RPL13A: variants seen among roughly 807,000 people sequenced by gnomAD.
RPL13A encodes the protein large ribosomal subunit protein uL13.
A neutral mutation model predicts 30.8 loss-of-function variants in RPL13A; 4 were observed. The observed-to-expected ratio is 0.13, with a 90% CI of 0.06 to 0.30. RPL13A has a LOEUF of 0.30. Among genes scored for constraint, RPL13A ranks in the 10% least tolerant of loss-of-function variants. RPL13A has a pLI of 1.00. For missense variants in RPL13A, 196 were observed against 272.6 expected, an observed-to-expected ratio of 0.72 and a Z score of 1.98; for synonymous variants, 108 against 104.2, an observed-to-expected ratio of 1.04 and a Z score of -0.22.
chr19:49,491,325 C>G (rs2079866127), intron 6 of RPL13A, 100 bp from the exon 7 acceptor site: 3 of 1,234,050 alleles, frequency 2.4e-6, no homozygotes, highest in East Asian at 4.6e-5. Context: ...GCCCAGCTGT[C>G]AGTCACCTCC....
At chr19:49,491,391 T>G in intron 6 of RPL13A, 34 bp from the exon 7 acceptor site, 1 of 1,081,730 alleles carries the variant, frequency 9.2e-7, no homozygotes, top group South Asian at 1.3e-5. Context: ...TCCTTACAAC[T>G]TCATTTGTTC....
chr19:49,491,402 A>ACACC lies in RPL13A; in HGVS notation c.403-22_403-21insACCC, dbSNP rs2079867857. On this transcript the variant is annotated intron_variant, in intron 6 of 7. Transcript: ENST00000391857. ...GATATCCTTACAACTTCATTTGTTC[A>ACACC]CCCCCCCCCCCCCCCCCCGCAGTTT... The ACACC allele has an allele frequency of 2.1e-4, 51 of 237,288 alleles. 2 individuals are homozygous for ACACC. The African/African-American group carries it at 2.2e-3, about 10-fold the overall frequency. The allele number at this position is 237,288 out of a possible 1,614,324, so 14.7% of individuals were successfully genotyped here. A position where few individuals can be genotyped will look rare whatever the true frequency, so the allele number is the denominator to read the frequency against.
chr19:49,488,969 G>C (rs2079837105), intron 1 of RPL13A, among the ~76,000 whole-genome samples: 1 of 152,230 alleles, frequency 6.6e-6, no homozygotes, highest in Non-Finnish European at 1.5e-5. Context: ...GCCTCTCAAA[G>C]TGCTGGGATT....
chr19:49,488,435 A>G (rs1233678726), intron 1 of RPL13A, among the ~76,000 whole-genome samples: 3 of 152,252 alleles, frequency 2.0e-5, no homozygotes, highest in African/African-American at 4.8e-5. Flanking sequence ...AGCCAGGCCG[A>G]TCTAGGCAAG....
chr19:49,490,514 A>G lies in RPL13A; in HGVS notation c.194A>G (p.Asn65Ser), dbSNP rs775415596. 6.2e-7 allele frequency: 1 copy of G among 1,613,922 alleles called. No homozygotes were observed. The change falls in exon 4 of 8, where the codon AAC (asparagine) becomes AGC (serine). Residue 65 changes from asparagine (N) to serine (S), a missense_variant. Coordinates refer to ENST00000391857, the MANE Select transcript of RPL13A (RefSeq NM_012423.4). ...TTCCTCCGCAAGCGGATGAACACCA[A>G]CCCTTCCCGAGGCCCCTACCACTTC... Reference protein sequence around the residue: ...LAFLRKRMNTNPSRGPYHFRA... With the variant: ...LAFLRKRMNTSPSRGPYHFRA...
chr19:49,490,708 C>T, intron 4 of RPL13A, 71 bp from the exon 5 acceptor site: 1 of 1,583,388 alleles, frequency 6.3e-7, no homozygotes, highest in Non-Finnish European at 8.7e-7. Context: ...ACCCCATGGG[C>T]CCACCTCAGT....
In RPL13A at chr19:49,490,460, C is replaced by T. The variant is rs779409964; in HGVS notation, c.155-15C>T. The T allele has an allele frequency of 1.2e-6, 2 of 1,613,290 alleles. No individual in the cohort carries two copies. Among genetic ancestry groups the T allele is most frequent in the African/African-American group, 1.3e-5 (1 of 75,008 alleles). Reference sequence around the variant, plus strand: ...TGGTAGACTGGGCAGGCCTCACACTCTCCCCTCTCCCTAGTGAAGTACCTG... The same window carrying T: ...TGGTAGACTGGGCAGGCCTCACACTTTCCCCTCTCCCTAGTGAAGTACCTG... On this transcript the variant is annotated splice_polypyrimidine_tract_variant and intron_variant, in intron 3 of 7. Coordinates refer to ENST00000391857, the MANE Select transcript of RPL13A (RefSeq NM_012423.4).
rs1568688869 is a variant in RPL13A at position 49,491,428 on chromosome 19, G to A, written c.406G>A (p.Ala136Thr). 1 of 587,028 alleles carries A rather than the reference G, an allele frequency of 1.7e-6. No homozygotes were observed. The highest frequency in any genetic ancestry group is 2.5e-6 in the Non-Finnish European group (1 of 399,436). The allele number at this position is 587,028 out of a possible 1,614,324, so 36.4% of individuals were successfully genotyped here. ...VVRLKPTRKFAYLGRLAHEVG... is the reference protein window; with the variant it reads ...VVRLKPTRKFTYLGRLAHEVG... ...CCCCCCCCCCCCCCCCCCGCAGTTT[G>A]CCTATCTGGGGCGCCTGGCTCACGA... Residue 136 changes from alanine to threonine, a missense_variant, in exon 7 of 8, where the codon GCC (alanine) becomes ACC (threonine). Ala to Thr is a moderately conservative substitution (Grantham distance 58). Transcript: ENST00000391857.
At chr19:49,490,971 GCC>G in intron 5 of RPL13A, 67 bp from the exon 6 acceptor site, 1 of 1,606,752 alleles carries the variant, frequency 6.2e-7, no homozygotes, top group Non-Finnish European at 8.5e-7. Context: ...TGGCTGAGAC[GCC>G]AGTCCAGCCG....
At chr19:49,491,402 A>ACACCCCCCCCCCC (rs2079867857) in intron 6 of RPL13A, 23 bp from the exon 7 acceptor site, 2 of 237,306 alleles carry the variant, frequency 8.4e-6, no homozygotes, top group Admixed American at 1.1e-4. Context: ...TCATTTGTTC[A>ACACCCCCCCCCCC]CCCCCCCCCC....
intron 1 of RPL13A, among the ~76,000 whole-genome samples, chr19:49,489,155 T>C (rs2079839371): frequency 6.6e-6 from 1 of 152,214 alleles, no homozygotes; most frequent in Non-Finnish European, 1.5e-5. Context: ...AAATTAAATT[T>C]GTGGTAGAAA....
Position 49,491,736 on chromosome 19 carries a change from G to C in RPL13A, c.533G>C (p.Arg178Pro). Residue 178 changes from arginine to proline, a missense_variant, in exon 8 of 8, where the codon CGG becomes CCG. Coordinates refer to ENST00000391857, the MANE Select transcript of RPL13A (RefSeq NM_012423.4). Reference protein sequence around the residue: ...YRKKKQLMRLRKQAEKNVEKK... With the variant: ...YRKKKQLMRLPKQAEKNVEKK... ...TGCACTTATTCTTGGCAGAGGCTAC[G>C]GAAACAGGCCGAGAAGAACGTGGAG... 6.2e-7 allele frequency: 1 copy of C among 1,613,404 alleles called. No individual in the cohort carries two copies. Among genetic ancestry groups the C allele is most frequent in the Non-Finnish European group, 8.5e-7 (1 of 1,179,790 alleles).
chr19:49,487,688 A>T, intron 1 of RPL13A, 44 bp downstream of exon 1: 2 of 1,492,460 alleles, frequency 1.3e-6, no homozygotes, highest in Non-Finnish European at 1.8e-6. Context: ...GCCGGGTGGG[A>T]TCCAGGCCGG....
chr19:49,492,017 T>G lies in RPL13A; in HGVS notation c.*202T>G. On this transcript the variant is annotated 3_prime_UTR_variant, in exon 8 of 8. Transcript: ENST00000391857. ...CTCGGAGAATTGTGCAGGTGTCATT[T>G]ATCTATGACCAATAGGAAGAGCAAC... is the stretch of plus-strand genomic sequence containing the variant. 1.8e-6 allele frequency: 1 copy of G among 557,988 alleles called. No individual in the cohort carries two copies. Among genetic ancestry groups the G allele is most frequent in the East Asian group, 3.1e-5 (1 of 32,610 alleles). The allele number at this position is 557,988 out of a possible 1,614,324, so 34.6% of individuals were successfully genotyped here.
At chr19:49,487,978 C>A (rs1045689515) in intron 1 of RPL13A, among the ~76,000 whole-genome samples, 1 of 151,912 alleles carries the variant, frequency 6.6e-6, no homozygotes, top group South Asian at 2.1e-4. Flanking sequence ...CCTTGTGTGT[C>A]CTCAGCGATG....
At chr19:49,491,253 G>GC in intron 6 of RPL13A, 154 bp downstream of exon 6, 1 of 1,183,360 alleles carries the variant, frequency 8.5e-7, no homozygotes, top group Non-Finnish European at 1.3e-6. Flanking sequence ...CTTAGCTGAT[G>GC]CCAGGAGGCT....
At chr19:49,490,973 C>T in intron 5 of RPL13A, 67 bp from the exon 6 acceptor site, 1 of 1,607,930 alleles carries the variant, frequency 6.2e-7, no homozygotes, top group Non-Finnish European at 8.5e-7. Flanking sequence ...GCTGAGACGC[C>T]AGTCCAGCCG....
At chr19:49,489,051 T>G (rs112161032) in intron 1 of RPL13A, among the ~76,000 whole-genome samples, 10 of 152,174 alleles carry the variant, frequency 6.6e-5, no homozygotes, top group African/African-American at 2.2e-4. Context: ...CCTGAGCAGT[T>G]TACCGGGGAA....
rs71180637 is a variant in RPL13A, at chr19:49,491,402, A to ACCCCCCC, written c.403-11_403-5dup. The ACCCCCCC allele has an allele frequency of 5.9e-5, 14 of 237,302 alleles. 1 individual carries two copies. Among genetic ancestry groups the ACCCCCCC allele is most frequent in the Admixed American group, 1.6e-4 (3 of 18,364 alleles). 14.7% of individuals were successfully genotyped at this position (237,302 alleles called of 1,614,324 possible). ...GATATCCTTACAACTTCATTTGTTC[A>ACCCCCCC]CCCCCCCCCCCCCCCCCCGCAGTTT... On this transcript the variant is annotated intron_variant, in intron 6 of 7. Transcript: ENST00000391857.
Sources: gnomAD v4.1 joint callset for allele counts (sites outside exome capture counted in the v4.1 genomes callset) on GRCh38, gnomAD v4.1.1 for gene constraint, MANE v1.5 for transcripts, NCBI Gene and HGNC (gene_info 2026-07-23, HGNC 2026-07-21) for gene names.